ICA1L: variants seen among roughly 807,000 people sequenced by gnomAD.
ICA1L encodes the protein islet cell autoantigen 1-like protein.
In ICA1L, 50 loss-of-function variants were observed where a neutral mutation model predicts 61.3. The ratio of observed to expected loss-of-function variants is 0.82; its 90% CI spans 0.65 to 1.03. The LOEUF is 1.03. Among genes scored for constraint, ICA1L ranks in the 50% least tolerant of loss-of-function variants. The pLI is 0.00. For missense variants in ICA1L, 508 were observed against 556.7 expected (o/e 0.91, Z 0.88); for synonymous variants, 161 against 191.3 (o/e 0.84, Z 1.31).
chr2:202,841,698 A>C, intron 1 of ICA1L: 2 of 531,520 alleles, frequency 3.8e-6, no homozygotes, highest in Non-Finnish European at 7.3e-6. Flanking sequence ...CCACGCGCAT[A>C]GGAGCAGTTG....
intron 1 of ICA1L, among the ~76,000 whole-genome samples, chr2:202,834,091 T>C (rs1694084813): frequency 6.6e-6 from 1 of 152,224 alleles, no homozygotes; most frequent in Non-Finnish European, 1.5e-5. Flanking sequence ...GTAATACATA[T>C]GTTAATTATG....
rs762516204 is a variant in ICA1L at position 202,814,803 on chromosome 2, A to G, written c.784-19T>C. On this transcript the variant is annotated intron_variant, in intron 7 of 12. Coordinates refer to ENST00000358299, the MANE Select transcript of ICA1L (RefSeq NM_001288622.3). ...GTAGTTGCTAAAGATAAGAAAGTCA[A>G]TGTTAAGTATATAGAATGAATCTGT... The G allele has an allele frequency of 4.0e-6, 6 of 1,491,084 alleles. No individual in the cohort carries two copies. The highest frequency in any genetic ancestry group is 5.6e-6 in the Non-Finnish European group (6 of 1,069,294). The allele number at this position is 1,491,084 out of a possible 1,614,324, so 92.4% of individuals were successfully genotyped here.
intron 2 of ICA1L, among the ~76,000 whole-genome samples, 163 bp from the exon 3 acceptor site, chr2:202,825,930 C>T (rs1359905566): frequency 1.3e-5 from 2 of 152,006 alleles, no homozygotes; most frequent in African/African-American, 4.8e-5. Context: ...GTTTTACTTC[C>T]GATGTAGAAA....
intron 1 of ICA1L, among the ~76,000 whole-genome samples, chr2:202,832,546 A>G (rs754040536): frequency 5.9e-5 from 9 of 152,294 alleles, no homozygotes; most frequent in Non-Finnish European, 1.2e-4. Flanking sequence ...TGCACAATAA[A>G]TGAACACACT....
At chr2:202,871,176 T>C (rs1687698842) in intron 1 of ICA1L, 1 of 151,918 alleles carries the variant, frequency 6.6e-6, no homozygotes, top group Non-Finnish European at 1.5e-5. Flanking sequence ...TAAAAAGAGG[T>C]CAGCAGGGAA....
Position 202,774,387 on chromosome 2 carries a change from C to G in ICA1L, c.*5146G>C. On this transcript the variant is annotated 3_prime_UTR_variant, in exon 13 of 13. Transcript: ENST00000358299. ...GTGGTCTGGCAGCCGGAGACCAGGC[C>G]TCACTGCGCCTCCAACAGCCAGGGT... 3 of 1,164,142 alleles carry G rather than the reference C, an allele frequency of 2.6e-6. No individual in the cohort carries two copies. Among genetic ancestry groups the G allele is most frequent in the Non-Finnish European group, 3.4e-6 (3 of 894,954 alleles). 72.1% of individuals were successfully genotyped at this position (1,164,142 alleles called of 1,614,324 possible).
intron 5 of ICA1L, chr2:202,819,470 G>C (rs1403749877): frequency 2.0e-6 from 1 of 496,330 alleles, no homozygotes; most frequent in Non-Finnish European, 3.6e-6. Flanking sequence ...GATCTATCAT[G>C]AGACAGATTA....
chr2:202,797,926 C>T (rs1692979716), intron 9 of ICA1L, among the ~76,000 whole-genome samples: 1 of 152,098 alleles, frequency 6.6e-6, no homozygotes, highest in African/African-American at 2.4e-5. Context: ...ATTTTGTATC[C>T]TTTGGCCATC....
At chr2:202,850,556 T>G (rs1694589446) in intron 1 of ICA1L, among the ~76,000 whole-genome samples, 1 of 151,990 alleles carries the variant, frequency 6.6e-6, no homozygotes, top group African/African-American at 2.4e-5. Flanking sequence ...AAGATCAACT[T>G]ACTGAAATAA....
chr2:202,791,487 T>C (rs991560948), intron 10 of ICA1L, among the ~76,000 whole-genome samples: 2 of 152,124 alleles, frequency 1.3e-5, no homozygotes, highest in Non-Finnish European at 1.5e-5. Context: ...GAATGGACAA[T>C]AGCACATGAA....
intron 1 of ICA1L, among the ~76,000 whole-genome samples, chr2:202,855,240 T>G (rs966704325): frequency 6.6e-6 from 1 of 151,748 alleles, no homozygotes; most frequent in African/African-American, 2.4e-5. Context: ...TTAAAAGAAC[T>G]AGAGAAGCAA....
At chr2:202,798,854 T>C (rs1027514953) in intron 9 of ICA1L, among the ~76,000 whole-genome samples, 1 of 152,186 alleles carries the variant, frequency 6.6e-6, no homozygotes, top group Non-Finnish European at 1.5e-5. Context: ...AGCTCCCACA[T>C]ATAAGTGAGA....
chr2:202,840,475 G>C (rs1039512522), intron 1 of ICA1L: 19 of 512,316 alleles, frequency 3.7e-5, no homozygotes, highest in Middle Eastern at 6.1e-4. Context: ...CGAGGCCATA[G>C]CTGAGGCTGG....
intron 10 of ICA1L, among the ~76,000 whole-genome samples, chr2:202,792,514 T>C (rs1443577965): frequency 6.6e-6 from 1 of 152,140 alleles, no homozygotes; most frequent in East Asian, 1.9e-4. Context: ...TAATAAAAAG[T>C]AATAAACTGG....
chr2:202,775,253 C>T lies in ICA1L; in HGVS notation c.*4280G>A, dbSNP rs1692185433. 1 of 152,180 alleles carries T rather than the reference C, an allele frequency of 6.6e-6. No homozygotes were observed. The highest frequency in any genetic ancestry group is 2.1e-4 in the South Asian group (1 of 4,832). The allele number at this position is 152,180 out of a possible 1,614,324, so 9.4% of individuals were successfully genotyped here. A position where few individuals can be genotyped will look rare whatever the true frequency, so the allele number is the denominator to read the frequency against. On this transcript the variant is annotated 3_prime_UTR_variant, in exon 13 of 13. Transcript: ENST00000358299. ...ATATTCCAAAATTCTGGGACTGCTT[C>T]ATTGCTCAAGGTAGAGAAATGCAGG...
In ICA1L at chr2:202,793,984, C is replaced by CAA. The variant is rs796439915; in HGVS notation, c.985+2904_985+2905dup. On this transcript the variant is annotated intron_variant, in intron 10 of 12. Coordinates refer to ENST00000358299, the MANE Select transcript of ICA1L (RefSeq NM_001288622.3). ...CGGGGCAACGAGTTAAACTCCAGCT[C>CAA]AAAAAAAAAAAAAAGAATGCAAAAA... 3.9e-3 allele frequency among the ~76,000 whole-genome samples: 322 copies of CAA among 83,284 alleles called. 1 individual carries two copies. Among genetic ancestry groups the CAA allele is most frequent in the Admixed American group, 7.3e-3 (57 of 7,816 alleles). The allele number at this position is 83,284 out of a possible 152,430, so 54.6% of individuals were successfully genotyped here. A position where few individuals can be genotyped will look rare whatever the true frequency, so the allele number is the denominator to read the frequency against.
intron 1 of ICA1L, among the ~76,000 whole-genome samples, chr2:202,854,438 TA>T (rs1001236286): frequency 3.3e-5 from 5 of 152,110 alleles, no homozygotes; most frequent in African/African-American, 4.8e-5. Context: ...CACACAATAA[TA>T]GGGGGAGACT....
At chr2:202,831,870 G>T (rs1487237731) in intron 1 of ICA1L, among the ~76,000 whole-genome samples, 1 of 152,090 alleles carries the variant, frequency 6.6e-6, no homozygotes, top group African/African-American at 2.4e-5. Context: ...AGTCTTACTG[G>T]CTTGACATAT....
At chr2:202,827,084 T>C (rs1014306966) in intron 2 of ICA1L, among the ~76,000 whole-genome samples, 1 of 152,158 alleles carries the variant, frequency 6.6e-6, no homozygotes, top group Admixed American at 6.5e-5. Context: ...TAAATGCATA[T>C]GGAAGAAGAT....
Sources: gnomAD v4.1 joint callset for allele counts (sites outside exome capture counted in the v4.1 genomes callset) on GRCh38, gnomAD v4.1.1 for gene constraint, MANE v1.5 for transcripts, NCBI Gene and HGNC (gene_info 2026-07-23, HGNC 2026-07-21) for gene names.